Variants in DDX46 observed in about 807,000 individuals in gnomAD.
The protein encoded by DDX46 is DEAD-box helicase 46.
Under a neutral mutation model 134.9 loss-of-function variants are expected in DDX46, and 30 were observed. The ratio of observed to expected loss-of-function variants is 0.22; its 90% CI spans 0.17 to 0.30. The LOEUF (loss-of-function observed/expected upper bound fraction) is 0.30, where lower values mean the gene tolerates loss of function less well. Ranked by LOEUF, DDX46 falls within the 10% of genes least tolerant of loss-of-function variation. The pLI, the probability that DDX46 is intolerant of heterozygous loss-of-function variation, is 1.00. For synonymous variants in DDX46, 415 were observed against 404.1 expected (o/e 1.03, Z -0.32); for missense variants, 622 against 1,248.7 (o/e 0.50, Z 7.56).
At chr5:134,795,738 T>G (rs752717233) in intron 14 of DDX46, among the ~76,000 whole-genome samples, 8 of 152,192 alleles carry the variant, frequency 5.3e-5, no homozygotes, top group Non-Finnish European at 1.2e-4. Flanking sequence ...CTATTTTATT[T>G]CTTGGTTACT....
chr5:134,758,859 G>C lies in DDX46; in HGVS notation c.-80G>C. ...TTAGCGCTGGTCTTTGCCGGGCGTT[G>C]AGGGCAGCTCAGCCTCCTTGTTTGT... On this transcript the variant is annotated 5_prime_UTR_variant, in exon 1 of 23. Transcript: ENST00000452510. 1 of 1,608,964 alleles carries C rather than the reference G, an allele frequency of 6.2e-7. No homozygotes were observed. The highest frequency in any genetic ancestry group is 1.1e-5 in the South Asian group (1 of 90,940).
intron 16 of DDX46, among the ~76,000 whole-genome samples, chr5:134,809,507 A>G (rs1755079167): frequency 1.3e-5 from 2 of 152,120 alleles, no homozygotes; most frequent in South Asian, 2.1e-4. Flanking sequence ...AGCTGGGACT[A>G]CAGGCGTGTG....
chr5:134,793,667 A>T (rs944849600), intron 13 of DDX46, among the ~76,000 whole-genome samples: 6 of 152,214 alleles, frequency 3.9e-5, no homozygotes, highest in Non-Finnish European at 8.8e-5. Context: ...GACCTCCCAA[A>T]GTGCTGGGAT....
intron 18 of DDX46, 35 bp from the exon 19 acceptor site, chr5:134,816,395 G>C (rs1336943452): frequency 1.3e-6 from 2 of 1,550,640 alleles, no homozygotes; most frequent in Admixed American, 4.2e-5. Context: ...TTCTAATTCA[G>C]TTTTTTACTA....
chr5:134,787,403 G>T (rs767884043), intron 11 of DDX46, among the ~76,000 whole-genome samples: 2 of 152,158 alleles, frequency 1.3e-5, no homozygotes, highest in Non-Finnish European at 2.9e-5. Context: ...AATGTATATT[G>T]TGTTGCTAGA....
At chr5:134,815,577 G>A (rs1033798224) in intron 18 of DDX46, among the ~76,000 whole-genome samples, 1 of 151,664 alleles carries the variant, frequency 6.6e-6, no homozygotes, top group Admixed American at 6.6e-5. Context: ...TGTGGTGGCG[G>A]GCACCTGTAG....
At chr5:134,791,002 G>C (rs1321802022) in intron 13 of DDX46, among the ~76,000 whole-genome samples, 1 of 124,800 alleles carries the variant, frequency 8.0e-6, no homozygotes, top group Non-Finnish European at 1.6e-5. Context: ...CTTTTTAATA[G>C]AGATGGAGTT....
chr5:134,818,685 A>G (rs1264119006), intron 20 of DDX46, among the ~76,000 whole-genome samples, 175 bp from the exon 21 acceptor site: 1 of 151,484 alleles, frequency 6.6e-6, no homozygotes, highest in Non-Finnish European at 1.5e-5. Flanking sequence ...CTGGGCAAAA[A>G]GAGCGAAAAC....
rs1754607214 is a variant in DDX46 at position 134,795,017 on chromosome 5, G to A, written c.1791+3G>A. ...GCTCAGATGTGGAGCAACAAGTGGTGGGTACCATCTTTAGGAAATTCCCAG... is the reference window on the plus strand; with the variant it reads ...GCTCAGATGTGGAGCAACAAGTGGTAGGTACCATCTTTAGGAAATTCCCAG... On this transcript the variant is annotated splice_donor_region_variant and intron_variant, in intron 14 of 22. Transcript: ENST00000452510. The A allele has an allele frequency of 2.5e-6, 4 of 1,613,500 alleles. No homozygotes were observed. Among genetic ancestry groups the A allele is most frequent in the Non-Finnish European group, 3.4e-6 (4 of 1,179,818 alleles).
At chr5:134,790,038 C>G in intron 12 of DDX46, 1 of 456,736 alleles carries the variant, frequency 2.2e-6, no homozygotes. Context: ...TTTTCTGTGT[C>G]TAAAATAGTT....
chr5:134,779,367 T>G (rs529176091), intron 6 of DDX46, among the ~76,000 whole-genome samples: 2 of 152,172 alleles, frequency 1.3e-5, no homozygotes, highest in East Asian at 3.9e-4. Context: ...CTAATTTTTG[T>G]ATTTTTAGTA....
At chr5:134,810,596 G>T (rs1755114714) in intron 16 of DDX46, among the ~76,000 whole-genome samples, 1 of 148,208 alleles carries the variant, frequency 6.7e-6, no homozygotes, top group Admixed American at 6.7e-5. Context: ...ACCCCCCCTT[G>T]GCCTCCCAAA....
chr5:134,767,950 C>CA (rs944000653), intron 3 of DDX46, among the ~76,000 whole-genome samples: 289 of 114,482 alleles, frequency 2.5e-3, no homozygotes, highest in Middle Eastern at 4.3e-3. Context: ...AACTCCTTCT[C>CA]AAAAAAAAAA....
intron 5 of DDX46, 44 bp downstream of exon 5, chr5:134,773,905 A>G (rs1341773566): frequency 7.4e-6 from 11 of 1,479,458 alleles, no homozygotes; most frequent in Middle Eastern, 1.9e-4. Flanking sequence ...CTCATGTAGA[A>G]TATTATATGA....
chr5:134,804,439 G>A (rs1283993969), intron 15 of DDX46, among the ~76,000 whole-genome samples: 1 of 152,052 alleles, frequency 6.6e-6, no homozygotes, highest in African/African-American at 2.4e-5. Flanking sequence ...AGTGCCATTT[G>A]TCTTTTTATT....
At chr5:134,817,319 C>G (rs1484626223) in intron 19 of DDX46, 177 bp from the exon 20 acceptor site, 1 of 604,556 alleles carries the variant, frequency 1.7e-6, no homozygotes, top group Admixed American at 3.5e-5. Context: ...GTACATTAAA[C>G]TACATTATAA....
chr5:134,766,794 A>G (rs1276159590), intron 2 of DDX46, 123 bp from the exon 3 acceptor site: 21 of 1,195,968 alleles, frequency 1.8e-5, no homozygotes, highest in East Asian at 5.3e-5. Flanking sequence ...GCTTTACTTC[A>G]TTGAGACCTC....
intron 21 of DDX46, chr5:134,826,627 T>C (rs180966503): frequency 1.0e-3 from 206 of 196,448 alleles, no homozygotes; most frequent in Admixed American, 2.9e-3. Context: ...AAGTTATATT[T>C]CCCTTTAGCC....
At chr5:134,764,846 TCTTC>T (rs1469090550) in intron 2 of DDX46, among the ~76,000 whole-genome samples, 2 of 149,972 alleles carry the variant, frequency 1.3e-5, no homozygotes, top group Admixed American at 6.7e-5. Flanking sequence ...TCCATCTCTC[TCTTC>T]CTTCCTCCCT....
Sources: allele counts gnomAD v4.1 joint callset (sites outside exome capture counted in the v4.1 genomes callset), GRCh38; gene constraint gnomAD v4.1.1; transcripts MANE v1.5; gene names NCBI Gene and HGNC (gene_info 2026-07-23, HGNC 2026-07-21).